Variants in KAZN observed in about 807,000 individuals in gnomAD.
KAZN encodes kazrin, periplakin interacting protein.
A neutral mutation model predicts 87.4 loss-of-function variants in KAZN; 40 were observed. The observed-to-expected ratio is 0.46, with a 90% CI of 0.36 to 0.60. KAZN has a LOEUF of 0.60. KAZN is among the 20% of genes least tolerant of loss of function. KAZN has a pLI of 0.00. For synonymous variants in KAZN, 466 were observed against 458.3 expected, an observed-to-expected ratio of 1.02 and a Z score of -0.22; for missense variants, 898 against 1,073.9, an observed-to-expected ratio of 0.84 and a Z score of 2.29.
At chr1:14,434,735 A>G (rs1175592994) in intron 2 of KAZN, among the ~76,000 whole-genome samples, 2 of 151,904 alleles carry the variant, frequency 1.3e-5, no homozygotes, top group African/African-American at 4.8e-5. Context: ...TGACAGGAAC[A>G]TGTGCTGGGA....
At chr1:14,052,455 G>A (rs568459199) in intron 1 of KAZN, among the ~76,000 whole-genome samples, 41 of 152,248 alleles carry the variant, frequency 2.7e-4, no homozygotes, top group African/African-American at 9.1e-4. Flanking sequence ...CATGCAGGAT[G>A]CCCTATGGGA....
chr1:14,292,317 A>T (rs1653770170), intron 2 of KAZN, among the ~76,000 whole-genome samples: 1 of 152,182 alleles, frequency 6.6e-6, no homozygotes, highest in African/African-American at 2.4e-5. Flanking sequence ...CAGGGTAGAG[A>T]ACACAGAGAG....
intron 2 of KAZN, among the ~76,000 whole-genome samples, chr1:14,453,939 C>A (rs531915556): frequency 6.6e-6 from 1 of 152,286 alleles, no homozygotes; most frequent in East Asian, 1.9e-4. Flanking sequence ...TCTTCTATTA[C>A]CATATTCAAC....
At chr1:14,069,608 T>C (rs769762430) in intron 1 of KAZN, among the ~76,000 whole-genome samples, 7 of 152,358 alleles carry the variant, frequency 4.6e-5, no homozygotes, top group Non-Finnish European at 8.8e-5. Context: ...GCCACAGACC[T>C]AATTGCCACC....
At chr1:14,618,440 G>A (rs928301347) in intron 1 of KAZN, among the ~76,000 whole-genome samples, 1 of 152,226 alleles carries the variant, frequency 6.6e-6, no homozygotes, top group Admixed American at 6.5e-5. Flanking sequence ...CCCATGCTGG[G>A]CTCATGGAGT....
rs1483676832 is a variant in KAZN at position 13,918,533 on chromosome 1, A to G, written c.91+24777A>G. Among the ~76,000 whole-genome samples the G allele has an allele frequency of 2.0e-5, 3 of 152,274 alleles. No homozygotes were observed. The East Asian group carries it at 5.8e-4, about 29-fold the overall frequency. On this transcript the variant is annotated intron_variant, in intron 1 of 16. Coordinates refer to the KAZN transcript ENST00000636203. ...GTTGAAATGACAACAAAAGATTTGTAATATTACATAAACTTAGTTGATAAA... is the reference window on the plus strand; with the variant it reads ...GTTGAAATGACAACAAAAGATTTGTGATATTACATAAACTTAGTTGATAAA...
At position 15,077,930 on chromosome 1, in the gene KAZN, G is replaced by T. The variant is rs552592253; in HGVS notation, c.1222+12177G>T. 3.3e-5 allele frequency among the ~76,000 whole-genome samples: 5 copies of T among 152,270 alleles called. No homozygotes were observed. Among genetic ancestry groups the T allele is most frequent in the Admixed American group, 3.3e-4 (5 of 15,302 alleles). On this transcript the variant is annotated intron_variant, in intron 8 of 14. Transcript: ENST00000376030. This position sits in a 1 kb window ranked among gnomAD's most constrained non-coding sequence, Gnocchi z 4.8. The stretch of plus-strand genomic sequence containing the variant: ...GCCAGGCATGGGGTAGGCATTTGAT[G>T]TACACTCATTAAGTCTTTCAACGAA...
chr1:14,714,127 T>A (rs1406075790), intron 1 of KAZN, among the ~76,000 whole-genome samples: 7 of 152,184 alleles, frequency 4.6e-5, no homozygotes, highest in Non-Finnish European at 8.8e-5. Context: ...TGATGGAGAC[T>A]GCCTGTGGTT....
chr1:15,103,914 G>A (rs1641199668), intron 12 of KAZN, 109 bp from the exon 13 acceptor site: 3 of 1,135,136 alleles, frequency 2.6e-6, no homozygotes, highest in Non-Finnish European at 2.5e-6. Flanking sequence ...CTGGTCCCCA[G>A]GGGGTCAAGC....
chr1:14,094,206 G>T (rs915979277), intron 1 of KAZN, among the ~76,000 whole-genome samples: 1 of 152,038 alleles, frequency 6.6e-6, no homozygotes, highest in African/African-American at 2.4e-5. Flanking sequence ...CTTTCCTTCT[G>T]ATGCTGCTTC....
At chr1:14,336,331 CATATAA>C (rs2100889977) in intron 2 of KAZN, among the ~76,000 whole-genome samples, 1 of 152,322 alleles carries the variant, frequency 6.6e-6, no homozygotes, top group African/African-American at 2.4e-5. Flanking sequence ...AATATTCCAT[CATATAA>C]ATATATCACT....
At chr1:14,419,707 G>A (rs569100464) in intron 2 of KAZN, among the ~76,000 whole-genome samples, 18 of 152,292 alleles carry the variant, frequency 1.2e-4, no homozygotes, top group African/African-American at 3.6e-4. Flanking sequence ...CTTCATTCAA[G>A]AGTGAAGCCG....
chr1:14,726,653 A>T (rs1643399031), intron 1 of KAZN, among the ~76,000 whole-genome samples: 1 of 152,238 alleles, frequency 6.6e-6, no homozygotes. Flanking sequence ...TTAGGTAGCA[A>T]TGAATTGCAA....
intron 1 of KAZN, among the ~76,000 whole-genome samples, chr1:14,913,983 T>A (rs868082340): frequency 6.6e-6 from 1 of 152,208 alleles, no homozygotes; most frequent in Admixed American, 6.5e-5. Context: ...CCACAGCCAC[T>A]GAAAACGCGA....
At chr1:13,924,321 A>G (rs1252055089) in intron 1 of KAZN, among the ~76,000 whole-genome samples, 1 of 152,220 alleles carries the variant, frequency 6.6e-6, no homozygotes, top group African/African-American at 2.4e-5. Context: ...AGCAAAATTT[A>G]TGTGGGTATG....
At chr1:14,887,754 T>C (rs1389339348) in intron 1 of KAZN, among the ~76,000 whole-genome samples, 2 of 151,626 alleles carry the variant, frequency 1.3e-5, no homozygotes, top group Non-Finnish European at 2.9e-5. Flanking sequence ...TTTTCCTTGC[T>C]CTCGGTAATG....
At chr1:14,208,691 G>A (rs1646792526) in intron 2 of KAZN, among the ~76,000 whole-genome samples, 1 of 152,186 alleles carries the variant, frequency 6.6e-6, no homozygotes. Flanking sequence ...TGAGAATAAT[G>A]CTGCAGCATG....
chr1:14,716,606 C>G (rs1298095750), intron 1 of KAZN, among the ~76,000 whole-genome samples: 3 of 152,170 alleles, frequency 2.0e-5, no homozygotes, highest in African/African-American at 7.2e-5. Context: ...CGGCAACTCT[C>G]TGAGCAGGTA....
intron 1 of KAZN, among the ~76,000 whole-genome samples, chr1:14,789,095 A>C (rs781477983): frequency 6.6e-6 from 1 of 152,166 alleles, no homozygotes; most frequent in Non-Finnish European, 1.5e-5. Context: ...AGGGTCTTAC[A>C]TGTCGGGAGC....
Sources: gnomAD v4.1 joint callset for allele counts (sites outside exome capture counted in the v4.1 genomes callset) on GRCh38, gnomAD v4.1.1 for gene constraint, Gnocchi (gnomAD v3.1) non-coding constraint, MANE v1.5 for transcripts, NCBI Gene and HGNC (gene_info 2026-07-23, HGNC 2026-07-21) for gene names.